The following SLC25A26 variants were observed in gnomAD, a reference collection of about 807,000 sequenced individuals.
The protein encoded by SLC25A26 is solute carrier family 25 member 26.
SLC25A26 carries 36 observed loss-of-function variants against 37.8 expected under a neutral mutation model. The observed-to-expected ratio is 0.95, with a 90% CI of 0.73 to 1.26. The LOEUF (loss-of-function observed/expected upper bound fraction) is 1.26, where lower values mean the gene tolerates loss of function less well. Among genes scored for constraint, SLC25A26 ranks in the 50% most tolerant of loss-of-function variants. The pLI is 0.00. For missense variants in SLC25A26, 390 were observed against 331.1 expected (o/e 1.18, Z -1.38); for synonymous variants, 129 against 122.5 (o/e 1.05, Z -0.35).
rs751246026 is a variant in SLC25A26, at chr3:66,378,598, T to TAGGG, written c.*793_*796dup. On this transcript the variant is annotated 3_prime_UTR_variant, in exon 10 of 10. Transcript: ENST00000354883. ...GATGAAATGGAAAGGTCACCACACTTAGGGATTTTAGACCTTGACTAACAA... is the reference window on the plus strand; with the variant it reads ...GATGAAATGGAAAGGTCACCACACTTAGGGAGGGATTTTAGACCTTGACTAACAA... The TAGGG allele has an allele frequency of 6.6e-6, 1 of 152,372 alleles. No homozygotes were observed. The highest frequency in any genetic ancestry group is 1.5e-5 in the Non-Finnish European group (1 of 68,002). The allele number at this position is 152,372 out of a possible 1,614,324, so 9.4% of individuals were successfully genotyped here.
chr3:66,300,251 GTTTT>G (rs1230157515), intron 5 of SLC25A26, among the ~76,000 whole-genome samples: 10 of 111,608 alleles, frequency 9.0e-5, no homozygotes, highest in South Asian at 2.9e-4. Flanking sequence ...GGGTTTTTTT[GTTTT>G]GTTTTTTTTT....
At chr3:66,260,480 A>G (rs565759214) in intron 3 of SLC25A26, among the ~76,000 whole-genome samples, 2 of 152,372 alleles carry the variant, frequency 1.3e-5, no homozygotes, top group East Asian at 1.9e-4. Context: ...CAGTTTTGGT[A>G]GAAAAATAAC....
chr3:66,376,531 G>GAGCATTTTTTAGCA (rs1413557320), intron 9 of SLC25A26, among the ~76,000 whole-genome samples: 3 of 152,188 alleles, frequency 2.0e-5, no homozygotes, highest in Admixed American at 1.3e-4. Context: ...AGATGCTCAT[G>GAGCATTTTTTAGCA]AGCATTTTTT....
chr3:66,299,367 G>A (rs1448437734), intron 5 of SLC25A26, among the ~76,000 whole-genome samples: 2 of 151,964 alleles, frequency 1.3e-5, no homozygotes, highest in African/African-American at 2.4e-5. Context: ...TAATTTTTGT[G>A]TTAGTAGAGA....
chr3:66,143,977 C>G lies in SLC25A26; in HGVS notation c.-354+9993C>G, dbSNP rs1173266674. ...GCACAGTGTCCTGAGAGACTGCACA[C>G]TTTGTTGGCCTGTGAAGCTAACACT... is the stretch of plus-strand genomic sequence containing the variant. On this transcript the variant is annotated intron_variant, in intron 1 of 10. Transcript: ENST00000676754. 3.3e-5 allele frequency among the ~76,000 whole-genome samples: 5 copies of G among 152,146 alleles called. No individual in the cohort carries two copies. The South Asian group carries it at 8.3e-4, about 25-fold the overall frequency.
intron 6 of SLC25A26, among the ~76,000 whole-genome samples, chr3:66,357,288 C>T (rs1212992877): frequency 1.3e-5 from 2 of 152,164 alleles, no homozygotes. Flanking sequence ...ATGGCCCTTG[C>T]CCATAGTCCC....
At chr3:66,274,091 G>C (rs528703491) in intron 5 of SLC25A26, among the ~76,000 whole-genome samples, 5 of 151,744 alleles carry the variant, frequency 3.3e-5, no homozygotes, top group Non-Finnish European at 7.4e-5. Context: ...TCAGAAATAA[G>C]GCCGCATATC....
At chr3:66,226,513 G>T (rs1435122705) in intron 1 of SLC25A26, among the ~76,000 whole-genome samples, 4 of 151,838 alleles carry the variant, frequency 2.6e-5, no homozygotes, top group Non-Finnish European at 5.9e-5. Context: ...TTCCTCTGTT[G>T]CCCAGGCTGG....
At chr3:66,340,700 C>CCTTA (rs945071413) in intron 5 of SLC25A26, among the ~76,000 whole-genome samples, 1 of 151,900 alleles carries the variant, frequency 6.6e-6, no homozygotes, top group African/African-American at 2.4e-5. Flanking sequence ...CATTGTTTAT[C>CCTTA]CTTACGCCTT....
intron 5 of SLC25A26, among the ~76,000 whole-genome samples, chr3:66,281,077 TC>T (rs1357178513): frequency 2.0e-5 from 3 of 152,212 alleles, no homozygotes; most frequent in Admixed American, 6.5e-5. Context: ...TTTTATTTCC[TC>T]CATGACATAG....
intron 1 of SLC25A26, among the ~76,000 whole-genome samples, chr3:66,189,673 T>G: frequency 6.6e-6 from 1 of 152,150 alleles, no homozygotes; most frequent in South Asian, 2.1e-4. Context: ...CTTTTCTCTT[T>G]TCTTTTCAGA....
At chr3:66,195,005 A>C (rs36169627) in intron 1 of SLC25A26, among the ~76,000 whole-genome samples, 91,832 of 152,150 alleles carry the variant, frequency 0.6, 29,479 homozygotes, top group African/African-American at 0.81. Context: ...GAGGGAGGTG[A>C]AACAGAGCTG....
At chr3:66,163,672 G>A (rs149267264) in intron 1 of SLC25A26, among the ~76,000 whole-genome samples, 121 of 152,248 alleles carry the variant, frequency 7.9e-4, no homozygotes, top group African/African-American at 2.6e-3. Flanking sequence ...TTGCTACAGT[G>A]CCCGCCTCCT....
intron 1 of SLC25A26, chr3:66,134,052 A>G (rs1338360042): frequency 6.6e-6 from 1 of 152,248 alleles, no homozygotes; most frequent in East Asian, 1.9e-4. Flanking sequence ...GGGCTAGAAC[A>G]TTAAAGTTTC....
intron 2 of SLC25A26, among the ~76,000 whole-genome samples, chr3:66,239,886 C>G (rs995824803): frequency 6.8e-6 from 1 of 147,764 alleles, no homozygotes; most frequent in African/African-American, 2.5e-5. Flanking sequence ...TGGCTGGCAG[C>G]CACAGCTTCA....
At chr3:66,295,787 C>T (rs985058839) in intron 5 of SLC25A26, among the ~76,000 whole-genome samples, 11 of 151,760 alleles carry the variant, frequency 7.2e-5, no homozygotes, top group African/African-American at 2.7e-4. Flanking sequence ...TGCAAGCCAC[C>T]GTGCCCGGCC....
chr3:66,217,665 C>T (rs2071382020), upstream of SLC25A26, among the ~76,000 whole-genome samples: 4 of 152,024 alleles, frequency 2.6e-5, no homozygotes, highest in Non-Finnish European at 1.5e-5. Flanking sequence ...TCTCCTGCCT[C>T]AGCCTTCTGA....
chr3:66,364,177 G>C (rs1023747886), intron 7 of SLC25A26, among the ~76,000 whole-genome samples: 1 of 151,768 alleles, frequency 6.6e-6, no homozygotes, highest in South Asian at 2.1e-4. Flanking sequence ...CCTATTCCTT[G>C]AATACCCAAT....
chr3:66,261,880 C>T (rs1412944614), intron 3 of SLC25A26, among the ~76,000 whole-genome samples, 171 bp from the exon 4 acceptor site: 2 of 150,978 alleles, frequency 1.3e-5, no homozygotes, highest in East Asian at 3.9e-4. Flanking sequence ...AAACAATGTA[C>T]ATGCTTTAAG....
Sources: gnomAD v4.1 joint callset for allele counts (sites outside exome capture counted in the v4.1 genomes callset) on GRCh38, gnomAD v4.1.1 for gene constraint, MANE v1.5 for transcripts, NCBI Gene and HGNC (gene_info 2026-07-23, HGNC 2026-07-21) for gene names.